The following PARPBP variants were observed in gnomAD, a reference collection of about 807,000 sequenced individuals.
The protein encoded by PARPBP is PARP1 binding protein.
PARPBP carries 52 observed loss-of-function variants against 50.0 expected under a neutral mutation model. The ratio of observed to expected loss-of-function variants is 1.04; its 90% CI spans 0.83 to 1.31. The LOEUF is 1.31. PARPBP is among the 50% of genes most tolerant of loss of function. The pLI is 0.00. For synonymous variants in PARPBP, 244 were observed against 232.1 expected (o/e 1.05, Z -0.47); for missense variants, 697 against 672.0 (o/e 1.04, Z -0.41).
At chr12:102,193,771 TC>T (rs1386323595) in intron 9 of PARPBP, among the ~76,000 whole-genome samples, 1 of 152,058 alleles carries the variant, frequency 6.6e-6, no homozygotes, top group Non-Finnish European at 1.5e-5. Flanking sequence ...CTTAAAATCT[TC>T]AGTTACATAT....
At position 102,196,865 on chromosome 12, in the gene PARPBP, C is replaced by A. The variant is rs1891355449; in HGVS notation, c.*574C>A. ...CACATTTTTGGCAGGTGTAATTGAGCCATGGTCTTATTTGATTTTGTTATG... is the reference window on the plus strand; with the variant it reads ...CACATTTTTGGCAGGTGTAATTGAGACATGGTCTTATTTGATTTTGTTATG... On this transcript the variant is annotated 3_prime_UTR_variant, in exon 11 of 11. Coordinates refer to ENST00000327680, the MANE Select transcript of PARPBP (RefSeq NM_017915.5). The A allele has an allele frequency of 1.8e-6, 2 of 1,093,998 alleles. No individual in the cohort carries two copies. Among genetic ancestry groups the A allele is most frequent in the Non-Finnish European group, 2.7e-6 (2 of 739,576 alleles). The allele number at this position is 1,093,998 out of a possible 1,614,324, so 67.8% of individuals were successfully genotyped here.
chr12:102,147,807 G>A (rs1358550275), intron 2 of PARPBP, among the ~76,000 whole-genome samples: 1 of 152,038 alleles, frequency 6.6e-6, no homozygotes. Context: ...CTATGGCAAT[G>A]AGAATTTTAA....
intron 4 of PARPBP, among the ~76,000 whole-genome samples, chr12:102,159,889 GA>G (rs1184817770): frequency 2.0e-5 from 3 of 152,192 alleles, no homozygotes; most frequent in African/African-American, 7.2e-5. Flanking sequence ...GATAGGAAAA[GA>G]AACTTGGAAT....
intron 2 of PARPBP, among the ~76,000 whole-genome samples, chr12:102,128,197 C>G (rs1318133282): frequency 6.6e-6 from 1 of 152,078 alleles, no homozygotes; most frequent in Non-Finnish European, 1.5e-5. Context: ...CCCCACATCC[C>G]CTAGTAACCA....
At chr12:102,152,103 G>T (rs1243331505) in intron 3 of PARPBP, 2 of 311,856 alleles carry the variant, frequency 6.4e-6, no homozygotes, top group Admixed American at 4.7e-5. Context: ...CCCTTGCTCT[G>T]CTGCTTCCTC....
chr12:102,133,376 G>GT (rs138494250), intron 2 of PARPBP, among the ~76,000 whole-genome samples: 10,469 of 151,980 alleles, frequency 0.069, 487 homozygotes, highest in Non-Finnish European at 0.11. Context: ...TTTGTCAGAT[G>GT]TTTTTTTCTG....
At chr12:102,138,368 T>C (rs1285703954) in intron 2 of PARPBP, among the ~76,000 whole-genome samples, 1 of 152,212 alleles carries the variant, frequency 6.6e-6, no homozygotes, top group Non-Finnish European at 1.5e-5. Flanking sequence ...TTTGTTCTTG[T>C]AAATTTTTTT....
Position 102,146,197 on chromosome 12 carries a change from C to T in PARPBP, c.154-2033C>T, listed in dbSNP as rs545235066. Among the ~76,000 whole-genome samples, 8 of 152,224 alleles carry T rather than the reference C, an allele frequency of 5.3e-5. No individual in the cohort carries two copies. In the East Asian group the frequency reaches 1.5e-3, roughly 29 times the overall value. ...ATCAAGCCACCAATGGCTTTCTTCA[C>T]AGAATTGGAAAAAAATTACTTTAAA... On this transcript the variant is annotated intron_variant, in intron 2 of 10. Transcript: ENST00000327680.
intron 6 of PARPBP, among the ~76,000 whole-genome samples, chr12:102,170,007 A>G (rs1259156082): frequency 6.6e-6 from 1 of 152,250 alleles, no homozygotes; most frequent in Non-Finnish European, 1.5e-5. Flanking sequence ...GAAGGGTGGA[A>G]TAGACAGACT....
chr12:102,185,645 T>C (rs1482240032), intron 9 of PARPBP, among the ~76,000 whole-genome samples: 1 of 152,108 alleles, frequency 6.6e-6, no homozygotes, highest in Non-Finnish European at 1.5e-5. Context: ...CCCTGGGCTT[T>C]TCTTTGCTGG....
chr12:102,184,149 CTTTTA>C (rs1222075674), intron 9 of PARPBP, among the ~76,000 whole-genome samples: 1 of 147,954 alleles, frequency 6.8e-6, no homozygotes, highest in Non-Finnish European at 1.5e-5. Context: ...TTAGAGTTTT[CTTTTA>C]TTTTATTTAC....
chr12:102,135,159 T>A (rs917844248), intron 2 of PARPBP, among the ~76,000 whole-genome samples: 27 of 152,100 alleles, frequency 1.8e-4, no homozygotes, highest in African/African-American at 6.0e-4. Context: ...AATAGGAGTA[T>A]TACATGGCAC....
intron 9 of PARPBP, among the ~76,000 whole-genome samples, chr12:102,192,034 A>G (rs1009829998): frequency 6.6e-6 from 1 of 152,144 alleles, no homozygotes; most frequent in African/African-American, 2.4e-5. Flanking sequence ...ACTTTTATGA[A>G]CAAAGGAAAA....
At chr12:102,136,611 G>A (rs556268770) in intron 2 of PARPBP, among the ~76,000 whole-genome samples, 1 of 152,218 alleles carries the variant, frequency 6.6e-6, no homozygotes, top group Non-Finnish European at 1.5e-5. Context: ...ACTTAATTCA[G>A]TGTGAAAGTT....
At position 102,165,788 on chromosome 12, in the gene PARPBP, A is replaced by G. The variant is rs778986571; in HGVS notation, c.726A>G (p.Pro242=). The change falls in exon 6 of 11, where the codon CCA becomes CCG. Residue 242 remains proline, a synonymous_variant. Transcript: ENST00000327680. ...ELGGKGYAPP[P]SDPLRTHVKG... ...GAGGGAAAGGATATGCACCACCACCATCAGATCCTTTAAGGACACATGTAA... is the reference window on the plus strand; with the variant it reads ...GAGGGAAAGGATATGCACCACCACCGTCAGATCCTTTAAGGACACATGTAA... The G allele has an allele frequency of 3.7e-6, 6 of 1,602,132 alleles. No individual in the cohort carries two copies. The highest frequency in any genetic ancestry group is 1.1e-5 in the South Asian group (1 of 90,578).
At chr12:102,144,622 A>G (rs1270990524) in intron 2 of PARPBP, among the ~76,000 whole-genome samples, 1 of 152,194 alleles carries the variant, frequency 6.6e-6, no homozygotes, top group Non-Finnish European at 1.5e-5. Flanking sequence ...GTTTTACTTT[A>G]ACTAGTTATA....
chr12:102,191,855 A>G (rs957703576), intron 9 of PARPBP, among the ~76,000 whole-genome samples: 1 of 152,160 alleles, frequency 6.6e-6, no homozygotes, highest in Non-Finnish European at 1.5e-5. Flanking sequence ...ACAGCCATGT[A>G]TGAATCTGGA....
chr12:102,176,369 A>C (rs1355639903), intron 7 of PARPBP, among the ~76,000 whole-genome samples: 2 of 152,194 alleles, frequency 1.3e-5, no homozygotes, highest in East Asian at 3.8e-4. Context: ...AATACTAAGC[A>C]TTGTATTAGG....
chr12:102,132,063 G>A (rs1471972678), intron 2 of PARPBP, among the ~76,000 whole-genome samples: 1 of 152,128 alleles, frequency 6.6e-6, no homozygotes, highest in Non-Finnish European at 1.5e-5. Context: ...AATTAGCCAG[G>A]CCATGGTGGC....
Sources: gnomAD v4.1 joint callset for allele counts (sites outside exome capture counted in the v4.1 genomes callset) on GRCh38, gnomAD v4.1.1 for gene constraint, MANE v1.5 for transcripts, NCBI Gene and HGNC (gene_info 2026-07-23, HGNC 2026-07-21) for gene names.